The following SPSB4 variants were observed in gnomAD, a reference collection of about 807,000 sequenced individuals.
SPSB4 encodes SPRY domain-containing SOCS box protein 4.
SPSB4 carries 21 observed loss-of-function variants against 20.9 expected under a neutral mutation model. The ratio of observed to expected loss-of-function variants is 1.01; its 90% confidence interval spans 0.71 to 1.45. SPSB4 has a LOEUF of 1.45. Among genes scored for constraint, SPSB4 ranks in the 40% most tolerant of loss-of-function variants. The pLI is 0.00. For missense variants in SPSB4, 399 were observed against 399.2 expected (o/e 1.00, Z 0.00); for synonymous variants, 207 against 183.8 (o/e 1.13, Z -1.02).
intron 2 of SPSB4, 39 bp from the exon 3 acceptor site, chr3:141,147,103 G>T (rs1187805106): frequency 6.2e-7 from 1 of 1,609,422 alleles, no homozygotes; most frequent in Admixed American, 1.7e-5. Context: ...GTGCCAGGAT[G>T]GCACAGGGCA....
At chr3:141,073,370 G>T (rs143014141) in intron 2 of SPSB4, among the ~76,000 whole-genome samples, 1 of 152,180 alleles carries the variant, frequency 6.6e-6, no homozygotes, top group Non-Finnish European at 1.5e-5. Flanking sequence ...GTAGAATCAC[G>T]TTAATTTTTT....
chr3:141,093,476 A>C (rs1576528298), intron 2 of SPSB4, among the ~76,000 whole-genome samples: 1 of 151,782 alleles, frequency 6.6e-6, no homozygotes, highest in Admixed American at 6.6e-5. Context: ...TCATTCCAAA[A>C]CCTTACTCAT....
chr3:141,104,025 C>A (rs941223351), intron 2 of SPSB4, among the ~76,000 whole-genome samples: 2 of 152,156 alleles, frequency 1.3e-5, no homozygotes, highest in African/African-American at 4.8e-5. Context: ...CTTTCCCCAA[C>A]AGTTTCCAAT....
At chr3:141,134,984 T>C (rs1288941040) in intron 2 of SPSB4, among the ~76,000 whole-genome samples, 2 of 151,952 alleles carry the variant, frequency 1.3e-5, no homozygotes, top group East Asian at 1.9e-4. Context: ...AATTCTTAAG[T>C]ATATACACAT....
chr3:141,094,168 C>A (rs528929613), intron 2 of SPSB4, among the ~76,000 whole-genome samples: 4 of 152,214 alleles, frequency 2.6e-5, no homozygotes, highest in African/African-American at 4.8e-5. Context: ...GCTGACACTG[C>A]GTATGTCCAC....
At chr3:141,090,222 TATTA>T in intron 2 of SPSB4, among the ~76,000 whole-genome samples, 1 of 152,220 alleles carries the variant, frequency 6.6e-6, no homozygotes, top group East Asian at 1.9e-4. Context: ...AATCTGCACA[TATTA>T]ATTGAGTACC....
At chr3:141,092,292 G>A (rs547956253) in intron 2 of SPSB4, among the ~76,000 whole-genome samples, 3 of 152,282 alleles carry the variant, frequency 2.0e-5, no homozygotes, top group East Asian at 3.9e-4. Context: ...CACAAACAAG[G>A]CCTGCTAAAT....
At chr3:141,069,072 T>A (rs1180827838) in intron 2 of SPSB4, among the ~76,000 whole-genome samples, 1 of 152,142 alleles carries the variant, frequency 6.6e-6, no homozygotes, top group Non-Finnish European at 1.5e-5. Flanking sequence ...AGAGGCCAGA[T>A]GTCATGGGAT....
At chr3:141,056,171 G>A (rs1937634497) in intron 1 of SPSB4, among the ~76,000 whole-genome samples, 1 of 152,214 alleles carries the variant, frequency 6.6e-6, no homozygotes, top group Non-Finnish European at 1.5e-5. Flanking sequence ...AGACGCTGGA[G>A]CAGTGCCAAA....
chr3:141,088,607 TG>T (rs1451211081), intron 2 of SPSB4, among the ~76,000 whole-genome samples: 1 of 152,186 alleles, frequency 6.6e-6, no homozygotes, highest in Non-Finnish European at 1.5e-5. Context: ...TTAACACCCT[TG>T]GGGATACCCC....
chr3:141,132,427 A>G (rs757084162), intron 2 of SPSB4: 13 of 206,188 alleles, frequency 6.3e-5, no homozygotes, highest in Non-Finnish European at 3.0e-5. Context: ...CGGCACCCCA[A>G]ACTGCTGGGA....
intron 1 of SPSB4, among the ~76,000 whole-genome samples, chr3:141,056,625 A>G (rs1937643362): frequency 6.6e-6 from 1 of 152,256 alleles, no homozygotes; most frequent in African/African-American, 2.4e-5. Flanking sequence ...TGGGAGGTAA[A>G]TGAGGGATTG....
At chr3:141,060,227 A>C (rs1937735634) in intron 1 of SPSB4, among the ~76,000 whole-genome samples, 1 of 152,192 alleles carries the variant, frequency 6.6e-6, no homozygotes, top group Non-Finnish European at 1.5e-5. Flanking sequence ...AAGTACTAGT[A>C]AGAGGTCTTC....
Position 141,147,409 on chromosome 3 carries a change from G to A in SPSB4, c.*140G>A. ...GGACACTCAGTTCTTTCAAAGACCA[G>A]GATGTGGTACCAACTTTGGAAACGA... On this transcript the variant is annotated 3_prime_UTR_variant, in exon 3 of 3. Transcript: ENST00000310546. The A allele has an allele frequency of 2.1e-6, 3 of 1,425,598 alleles. No homozygotes were observed. The South Asian group carries it at 4.0e-5, about 19-fold the overall frequency. 88.3% of individuals were successfully genotyped at this position (1,425,598 alleles called of 1,614,324 possible).
At chr3:141,073,640 T>A (rs1938048620) in intron 2 of SPSB4, among the ~76,000 whole-genome samples, 1 of 152,216 alleles carries the variant, frequency 6.6e-6, no homozygotes, top group South Asian at 2.1e-4. Context: ...ATAGCAGCCC[T>A]TGCAACAGAG....
intron 2 of SPSB4, among the ~76,000 whole-genome samples, chr3:141,120,234 G>C (rs1490636697): frequency 6.6e-6 from 1 of 152,202 alleles, no homozygotes; most frequent in Non-Finnish European, 1.5e-5. Context: ...TTTTGAGTGA[G>C]TTTCTTAATC....
Position 141,139,142 on chromosome 3 carries a change from A to C in SPSB4, c.695-8000A>C, listed in dbSNP as rs1448398051. Reference sequence around the variant, plus strand: ...GTTGGTTTAAAGTCTGTTTTATCAGAGACTAGGATTGCAACCCCTGCCTTT... The same window carrying C: ...GTTGGTTTAAAGTCTGTTTTATCAGCGACTAGGATTGCAACCCCTGCCTTT... On this transcript the variant is annotated intron_variant, in intron 2 of 2. Coordinates refer to ENST00000310546, the MANE Select transcript of SPSB4 (RefSeq NM_080862.3). 7.9e-5 allele frequency among the ~76,000 whole-genome samples: 12 copies of C among 152,136 alleles called. No homozygotes were observed. In the South Asian group the frequency reaches 1.9e-3, roughly 24 times the overall value.
chr3:141,076,969 G>A (rs1488398413), intron 2 of SPSB4: 2 of 152,212 alleles, frequency 1.3e-5, no homozygotes, highest in Non-Finnish European at 2.9e-5. Flanking sequence ...CGGGGGATGG[G>A]GTTTAAGTGA....
At chr3:141,114,586 A>T (rs1180438768) in intron 2 of SPSB4, among the ~76,000 whole-genome samples, 1 of 152,230 alleles carries the variant, frequency 6.6e-6, no homozygotes, top group Non-Finnish European at 1.5e-5. Flanking sequence ...CACCGTGGCC[A>T]GCCTGGGCAC....
Sources: gnomAD v4.1 joint callset for allele counts (sites outside exome capture counted in the v4.1 genomes callset) on GRCh38, gnomAD v4.1.1 for gene constraint, MANE v1.5 for transcripts, NCBI Gene and HGNC (gene_info 2026-07-23, HGNC 2026-07-21) for gene names.